The following ADGRB3 variants were observed in gnomAD, a reference collection of about 807,000 sequenced individuals.
ADGRB3 encodes the protein brain-specific angiogenesis inhibitor 3.
Under a neutral mutation model 193.4 loss-of-function variants are expected in ADGRB3, and 37 were observed. The ratio of observed to expected loss-of-function variants is 0.19; its 90% CI spans 0.15 to 0.25. The LOEUF is 0.25. ADGRB3 is among the 10% of genes least tolerant of loss of function. ADGRB3 has a pLI of 1.00. For synonymous variants in ADGRB3, 690 were observed against 644.2 expected, an observed-to-expected ratio of 1.07 and a Z score of -1.08; for missense variants, 1,637 against 1,852.9, an observed-to-expected ratio of 0.88 and a Z score of 2.14.
chr6:69,192,154 G>A (rs1483650127), intron 17 of ADGRB3, among the ~76,000 whole-genome samples: 1 of 152,250 alleles, frequency 6.6e-6, no homozygotes, highest in East Asian at 1.9e-4. Flanking sequence ...TCCCTCAATA[G>A]GCTGTCTGCA....
At chr6:69,034,894 G>A (rs1260338896) in intron 13 of ADGRB3, among the ~76,000 whole-genome samples, 1 of 151,790 alleles carries the variant, frequency 6.6e-6, no homozygotes, top group Non-Finnish European at 1.5e-5. Context: ...TGTGTTTGTG[G>A]GGTTGGAGAG....
At chr6:69,315,249 G>A (rs1229933228) in intron 20 of ADGRB3, among the ~76,000 whole-genome samples, 3 of 151,492 alleles carry the variant, frequency 2.0e-5, no homozygotes, top group Admixed American at 6.6e-5. Flanking sequence ...TATTTGCTGA[G>A]TGTATAACTT....
intron 17 of ADGRB3, among the ~76,000 whole-genome samples, chr6:69,108,598 G>A (rs1449585693): frequency 3.3e-5 from 5 of 152,094 alleles, no homozygotes; most frequent in Non-Finnish European, 7.4e-5. Context: ...TAAGGACTAG[G>A]ATGGTTAGGA....
intron 3 of ADGRB3, among the ~76,000 whole-genome samples, chr6:68,883,860 G>A (rs1037424470): frequency 1.3e-5 from 2 of 152,244 alleles, no homozygotes; most frequent in Non-Finnish European, 2.9e-5. Context: ...AAATACTGAG[G>A]CAAGATAGTT....
At chr6:68,816,683 C>A (rs1365737138) in intron 3 of ADGRB3, among the ~76,000 whole-genome samples, 2 of 151,868 alleles carry the variant, frequency 1.3e-5, no homozygotes, top group African/African-American at 4.8e-5. Flanking sequence ...TGTTTGATTC[C>A]TTCTCTTTAC....
At chr6:68,648,472 G>GTTTTTTT (rs375657707) in intron 3 of ADGRB3, among the ~76,000 whole-genome samples, 1 of 99,804 alleles carries the variant, frequency 1.0e-5, no homozygotes, top group African/African-American at 7.5e-5. Flanking sequence ...GAGTTTTTTT[G>GTTTTTTT]TTTTTTTTTT....
At chr6:69,155,825 A>G (rs1283107227) in intron 17 of ADGRB3, among the ~76,000 whole-genome samples, 1 of 152,210 alleles carries the variant, frequency 6.6e-6, no homozygotes, top group Non-Finnish European at 1.5e-5. Flanking sequence ...TTCTTCATTT[A>G]GAAGCTTCAA....
At chr6:68,898,266 A>G (rs1011710935) in intron 3 of ADGRB3, among the ~76,000 whole-genome samples, 3 of 151,950 alleles carry the variant, frequency 2.0e-5, no homozygotes, top group African/African-American at 7.2e-5. Context: ...AGATGGATGG[A>G]TGTCCTAGCT....
chr6:69,335,964 T>A (rs1239888097), intron 24 of ADGRB3, among the ~76,000 whole-genome samples: 1 of 152,086 alleles, frequency 6.6e-6, no homozygotes, highest in African/African-American at 2.4e-5. Flanking sequence ...AATTAATAAG[T>A]GAATGTTTAA....
At chr6:68,753,299 G>T (rs544075836) in intron 3 of ADGRB3, among the ~76,000 whole-genome samples, 12 of 152,302 alleles carry the variant, frequency 7.9e-5, no homozygotes, top group African/African-American at 2.9e-4. Flanking sequence ...TTGGACTTCA[G>T]ATGAGCCTTT....
chr6:69,197,067 T>A (rs1484218961), intron 17 of ADGRB3, among the ~76,000 whole-genome samples: 2 of 152,106 alleles, frequency 1.3e-5, no homozygotes, highest in Non-Finnish European at 2.9e-5. Flanking sequence ...TATGTATATG[T>A]GTGGGTGTCT....
intron 3 of ADGRB3, among the ~76,000 whole-genome samples, chr6:68,920,805 T>C (rs142950964): frequency 6.6e-6 from 1 of 152,104 alleles, no homozygotes; most frequent in African/African-American, 2.4e-5. Context: ...AAAAAAAATC[T>C]AATAGTTAAA....
chr6:69,283,156 A>G (rs891953809), intron 20 of ADGRB3, among the ~76,000 whole-genome samples: 3 of 152,216 alleles, frequency 2.0e-5, no homozygotes, highest in African/African-American at 7.2e-5. Flanking sequence ...TTGGAATTTT[A>G]TTCTCTAGGA....
At chr6:68,786,670 G>C (rs796648165) in intron 3 of ADGRB3, among the ~76,000 whole-genome samples, 1 of 151,450 alleles carries the variant, frequency 6.6e-6, no homozygotes, top group Non-Finnish European at 1.5e-5. Flanking sequence ...CTTTAAAGTA[G>C]TTTTTTCCAA....
chr6:69,153,344 C>A (rs761996921), intron 17 of ADGRB3, among the ~76,000 whole-genome samples: 1 of 152,066 alleles, frequency 6.6e-6, no homozygotes, highest in Non-Finnish European at 1.5e-5. Context: ...GTCTCTTTTT[C>A]AAGCTTGATA....
At chr6:68,807,614 A>G (rs1287255770) in intron 3 of ADGRB3, among the ~76,000 whole-genome samples, 2 of 152,144 alleles carry the variant, frequency 1.3e-5, no homozygotes, top group Non-Finnish European at 2.9e-5. Context: ...AAATTCCAAC[A>G]TAAAAATAGA....
At chr6:68,805,688 A>T (rs1196230467) in intron 3 of ADGRB3, among the ~76,000 whole-genome samples, 17 of 152,188 alleles carry the variant, frequency 1.1e-4, no homozygotes, top group Admixed American at 1.0e-3. Flanking sequence ...CAGGGATGAT[A>T]CTTTATATGG....
At chr6:69,179,974 C>T (rs1775536617) in intron 17 of ADGRB3, among the ~76,000 whole-genome samples, 2 of 152,284 alleles carry the variant, frequency 1.3e-5, no homozygotes, top group South Asian at 4.1e-4. Flanking sequence ...GGTGCAGGAG[C>T]CAGATGGGCA....
At chr6:68,658,201 C>T (rs1283596050) in intron 3 of ADGRB3, among the ~76,000 whole-genome samples, 1 of 151,186 alleles carries the variant, frequency 6.6e-6, no homozygotes, top group Non-Finnish European at 1.5e-5. Context: ...AAGTGACTTG[C>T]ATAGTATCAC....
Sources: allele counts gnomAD v4.1 joint callset (sites outside exome capture counted in the v4.1 genomes callset), GRCh38; gene constraint gnomAD v4.1.1; transcripts MANE v1.5; gene names NCBI Gene and HGNC (gene_info 2026-07-23, HGNC 2026-07-21).